The following NXPH2 variants were observed in gnomAD, a reference collection of about 807,000 sequenced individuals.
NXPH2 encodes the protein neurexophilin 2, also known as neurexophilin-2.
Under a neutral mutation model 19.8 loss-of-function variants are expected in NXPH2, and 5 were observed. The observed-to-expected ratio is 0.25, with a 90% CI of 0.13 to 0.53. The LOEUF is 0.53. NXPH2 is among the 20% of genes least tolerant of loss of function. The pLI is 0.96. For missense variants in NXPH2, 289 were observed against 322.8 expected, an observed-to-expected ratio of 0.90 and a Z score of 0.80; for synonymous variants, 154 against 127.4, an observed-to-expected ratio of 1.21 and a Z score of -1.41.
intron 1 of NXPH2, among the ~76,000 whole-genome samples, chr2:138,719,695 C>T (rs1681246413): frequency 6.6e-6 from 1 of 152,124 alleles, no homozygotes; most frequent in Admixed American, 6.6e-5. Flanking sequence ...GGTAACATGG[C>T]AAGACCTCAT....
At chr2:138,702,795 T>C (rs1167798857) in intron 1 of NXPH2, among the ~76,000 whole-genome samples, 1 of 151,892 alleles carries the variant, frequency 6.6e-6, no homozygotes, top group Non-Finnish European at 1.5e-5. Context: ...CAACAAAAAG[T>C]GAAAGATTTT....
intron 1 of NXPH2, among the ~76,000 whole-genome samples, chr2:138,746,972 C>T (rs1681747053): frequency 6.6e-6 from 1 of 152,100 alleles, no homozygotes. Flanking sequence ...CTAAATCTTG[C>T]AAGAAGCTTC....
intron 1 of NXPH2, among the ~76,000 whole-genome samples, chr2:138,691,869 G>A (rs540617976): frequency 6.6e-6 from 1 of 152,260 alleles, no homozygotes; most frequent in East Asian, 1.9e-4. Context: ...TCCAAAAGCA[G>A]AAGTGGAAGA....
chr2:138,742,883 T>G (rs1305061617), intron 1 of NXPH2, among the ~76,000 whole-genome samples: 2 of 152,164 alleles, frequency 1.3e-5, no homozygotes, highest in African/African-American at 4.8e-5. Flanking sequence ...ACAATAGAGA[T>G]ATAGTCGTGA....
At position 138,671,489 on chromosome 2, in the gene NXPH2, G is replaced by C; in HGVS notation, c.228C>G (p.Ser76Arg). 1.9e-6 allele frequency: 3 copies of C among 1,613,940 alleles called. No individual in the cohort carries two copies. Among genetic ancestry groups the C allele is most frequent in the South Asian group, 2.2e-5 (2 of 91,070 alleles). Reference protein sequence around the residue: ...PKPGPMAYADSMENFWDWLAN... With the variant: ...PKPGPMAYADRMENFWDWLAN... Reference sequence around the variant, plus strand: ...CCAGCCAATCCCAAAAGTTTTCCATGCTGTCTGCGTACGCCATGGGGCCGG... The same window carrying C: ...CCAGCCAATCCCAAAAGTTTTCCATCCTGTCTGCGTACGCCATGGGGCCGG... The change falls in exon 2 of 2, where the codon AGC (serine) becomes AGG (arginine). Residue 76 changes from serine (S) to arginine (R), a missense_variant. Coordinates refer to ENST00000272641, the MANE Select transcript of NXPH2 (RefSeq NM_007226.3).
chr2:138,769,817 C>T (rs1009686541), intron 1 of NXPH2, among the ~76,000 whole-genome samples: 2 of 152,164 alleles, frequency 1.3e-5, no homozygotes, highest in African/African-American at 4.8e-5. Flanking sequence ...ATTTGCCCCT[C>T]AAGTCTTCTA....
At chr2:138,687,697 T>C (rs1429185302) in intron 1 of NXPH2, among the ~76,000 whole-genome samples, 1 of 152,224 alleles carries the variant, frequency 6.6e-6, no homozygotes, top group Non-Finnish European at 1.5e-5. Flanking sequence ...CTTTAATCCA[T>C]TTTGAATTAA....
intron 1 of NXPH2, among the ~76,000 whole-genome samples, chr2:138,706,916 A>G (rs1295869745): frequency 6.6e-6 from 1 of 151,438 alleles, no homozygotes; most frequent in Non-Finnish European, 1.5e-5. Flanking sequence ...AATAAACTAA[A>G]ATAAAGAAAA....
intron 1 of NXPH2, among the ~76,000 whole-genome samples, chr2:138,694,216 G>A (rs192125656): frequency 2.6e-4 from 40 of 152,224 alleles, no homozygotes; most frequent in Non-Finnish European, 5.0e-4. Flanking sequence ...ACCGCTTTTG[G>A]TTTGATGCCT....
chr2:138,718,540 C>T (rs1209667035), intron 1 of NXPH2, among the ~76,000 whole-genome samples: 1 of 152,040 alleles, frequency 6.6e-6, no homozygotes, highest in Non-Finnish European at 1.5e-5. Context: ...AAACATTACT[C>T]AAAAAGGCTG....
At chr2:138,675,292 TTTC>T (rs1260711883) in intron 1 of NXPH2, among the ~76,000 whole-genome samples, 5 of 152,192 alleles carry the variant, frequency 3.3e-5, no homozygotes, top group African/African-American at 1.2e-4. Flanking sequence ...CTGGTTCATT[TTTC>T]TTGTTTTAGT....
intron 1 of NXPH2, 26 bp from the exon 2 acceptor site, chr2:138,671,691 A>G (rs930309785): frequency 1.3e-6 from 2 of 1,522,350 alleles, no homozygotes; most frequent in East Asian, 2.3e-5. Flanking sequence ...AAAGAGAAAT[A>G]AACTTTAGGT....
At chr2:138,713,279 A>C (rs1427066012) in intron 1 of NXPH2, among the ~76,000 whole-genome samples, 1 of 152,144 alleles carries the variant, frequency 6.6e-6, no homozygotes, top group East Asian at 1.9e-4. Context: ...CAGTCACAGG[A>C]CAGCATGCTG....
At chr2:138,711,432 C>T (rs77059880) in intron 1 of NXPH2, among the ~76,000 whole-genome samples, 3,173 of 152,160 alleles carry the variant, frequency 0.021, 50 homozygotes, top group Non-Finnish European at 0.033. Context: ...TGAGCCACCG[C>T]GCCCGGCCCC....
Position 138,718,735 on chromosome 2 carries a change from C to T in NXPH2, c.52-47070G>A, listed in dbSNP as rs59048117. Among the ~76,000 whole-genome samples the T allele has an allele frequency of 4.7e-3, 714 of 152,242 alleles. 7 individuals are homozygous for T. The highest frequency in any genetic ancestry group is 0.013 in the African/African-American group (537 of 41,538). ...ATGATATATTTAATTCTCTATAAAT[C>T]CAATAGCATAACTTGGTTCTGTAGT... On this transcript the variant is annotated intron_variant, in intron 1 of 1. Coordinates refer to ENST00000272641, the MANE Select transcript of NXPH2 (RefSeq NM_007226.3).
At chr2:138,771,658 T>G (rs1682179410) in intron 1 of NXPH2, among the ~76,000 whole-genome samples, 1 of 152,152 alleles carries the variant, frequency 6.6e-6, no homozygotes, top group African/African-American at 2.4e-5. Flanking sequence ...TCAGGCAAAG[T>G]CTTGCAGAGG....
At chr2:138,739,164 A>G (rs1338695348) in intron 1 of NXPH2, among the ~76,000 whole-genome samples, 1 of 152,228 alleles carries the variant, frequency 6.6e-6, no homozygotes, top group Non-Finnish European at 1.5e-5. Flanking sequence ...TAAAAAAATA[A>G]CAACTTTCAA....
chr2:138,689,921 A>T (rs1680723019), intron 1 of NXPH2, among the ~76,000 whole-genome samples: 1 of 152,190 alleles, frequency 6.6e-6, no homozygotes, highest in African/African-American at 2.4e-5. Context: ...GTGGTGGAAC[A>T]AATGGGCCTG....
In NXPH2 at chr2:138,745,089, G is replaced by A. The variant is rs111521744; in HGVS notation, c.51+35102C>T. 1.9e-3 allele frequency among the ~76,000 whole-genome samples: 291 copies of A among 152,294 alleles called. 1 individual carries two copies. The highest frequency in any genetic ancestry group is 2.8e-3 in the Non-Finnish European group (191 of 68,020). On this transcript the variant is annotated intron_variant, in intron 1 of 1. Coordinates refer to ENST00000272641, the MANE Select transcript of NXPH2 (RefSeq NM_007226.3). The stretch of plus-strand genomic sequence containing the variant: ...ACTCCTCTGTGACTGCTGCCCCTAA[G>A]ACTAACCTTCTCAAGCTGCCCTTCT...
Sources: gnomAD v4.1 joint callset for allele counts (sites outside exome capture counted in the v4.1 genomes callset) on GRCh38, gnomAD v4.1.1 for gene constraint, MANE v1.5 for transcripts, NCBI Gene and HGNC (gene_info 2026-07-23, HGNC 2026-07-21) for gene names.